The following ENTREP2 variants were observed in gnomAD, a reference collection of about 807,000 sequenced individuals.
The protein encoded by ENTREP2 is protein ENTREP2.
chr15:29,305,914 C>T, the ENTREP2 span, among the ~76,000 whole-genome samples: 1 of 152,184 alleles, frequency 6.6e-6, no homozygotes, highest in Non-Finnish European at 1.5e-5. Context: ...TGAAGCACTT[C>T]CCCTTTAGGA....
At chr15:29,155,134 T>A in the ENTREP2 span, among the ~76,000 whole-genome samples, 1 of 143,936 alleles carries the variant, frequency 6.9e-6, no homozygotes, top group South Asian at 2.2e-4. Flanking sequence ...TACAAAAAAT[T>A]AGTCGGGCGT....
At chr15:29,217,794 A>G in the ENTREP2 span, among the ~76,000 whole-genome samples, 2 of 152,092 alleles carry the variant, frequency 1.3e-5, no homozygotes, top group Admixed American at 1.3e-4. Flanking sequence ...ATTGTTGGTA[A>G]ACTAGTGTGA....
chr15:29,243,543 T>C, the ENTREP2 span, among the ~76,000 whole-genome samples: 5 of 152,150 alleles, frequency 3.3e-5, no homozygotes, highest in African/African-American at 1.2e-4. Flanking sequence ...ATTAACAATA[T>C]GTGAATTAAG....
chr15:29,308,938 C>T, the ENTREP2 span, among the ~76,000 whole-genome samples: 1 of 152,136 alleles, frequency 6.6e-6, no homozygotes, highest in South Asian at 2.1e-4. Context: ...ATTCTTACTC[C>T]TTCAGCCTCC....
At chr15:29,163,246 T>C in the ENTREP2 span, among the ~76,000 whole-genome samples, 1,394 of 151,990 alleles carry the variant, frequency 9.2e-3, 19 homozygotes, top group African/African-American at 0.031. Flanking sequence ...TATGACAAAA[T>C]AAGGCTCTTG....
chr15:29,638,736 C>T, the ENTREP2 span, among the ~76,000 whole-genome samples: 6 of 152,266 alleles, frequency 3.9e-5, no homozygotes, highest in South Asian at 2.1e-4. Flanking sequence ...ATTAGCCGGG[C>T]GTGGCTGTTG....
the ENTREP2 span, among the ~76,000 whole-genome samples, chr15:29,175,116 T>G: frequency 6.6e-6 from 1 of 152,178 alleles, no homozygotes; most frequent in African/African-American, 2.4e-5. Flanking sequence ...CTGGTGTATG[T>G]ATCACTGCAT....
the ENTREP2 span, among the ~76,000 whole-genome samples, chr15:29,373,438 T>C: frequency 5.3e-5 from 8 of 151,980 alleles, no homozygotes; most frequent in South Asian, 1.7e-3. Flanking sequence ...GGGTTTGGAG[T>C]AGATTGAGTT....
chr15:29,233,845 A>T, the ENTREP2 span: 1 of 1,582,856 alleles, frequency 6.3e-7, no homozygotes, highest in South Asian at 1.1e-5. Context: ...GAGTAGAATG[A>T]GGGCTTTCTG....
At chr15:29,437,448 C>T in the ENTREP2 span, among the ~76,000 whole-genome samples, 1 of 152,140 alleles carries the variant, frequency 6.6e-6, no homozygotes, top group South Asian at 2.1e-4. Flanking sequence ...ATTAATTGGC[C>T]TGTTTTAAAA....
chr15:29,616,342 C>T, the ENTREP2 span, among the ~76,000 whole-genome samples: 1 of 152,124 alleles, frequency 6.6e-6, no homozygotes, highest in African/African-American at 2.4e-5. Context: ...GACAAGTCCT[C>T]TGACACCACT....
At chr15:29,190,367 A>G in the ENTREP2 span, among the ~76,000 whole-genome samples, 1 of 152,164 alleles carries the variant, frequency 6.6e-6, no homozygotes, top group Admixed American at 6.5e-5. Context: ...GCTAAAAAAA[A>G]AAAACAGAGA....
At chr15:29,276,592 A>G in the ENTREP2 span, among the ~76,000 whole-genome samples, 1 of 152,180 alleles carries the variant, frequency 6.6e-6, no homozygotes, top group Non-Finnish European at 1.5e-5. Flanking sequence ...AAGCCTAGCC[A>G]CTTGTGCCCT....
At chr15:29,160,708 C>CAAAAAA in the ENTREP2 span, among the ~76,000 whole-genome samples, 1 of 36,264 alleles carries the variant, frequency 2.8e-5, no homozygotes, top group African/African-American at 9.7e-5. Context: ...GACTCTGTCT[C>CAAAAAA]AAAAAAAAAA....
At chr15:29,473,969 C>T in the ENTREP2 span, among the ~76,000 whole-genome samples, 1 of 152,230 alleles carries the variant, frequency 6.6e-6, no homozygotes, top group African/African-American at 2.4e-5. Flanking sequence ...AGCTGGGCCT[C>T]CTGGAAGACA....
the ENTREP2 span, among the ~76,000 whole-genome samples, chr15:29,289,117 G>A: frequency 2.0e-4 from 30 of 151,908 alleles, no homozygotes; most frequent in Admixed American, 1.2e-3. Flanking sequence ...TGAGGTGGGA[G>A]GATTGCTTGA....
At chr15:29,224,491 C>T in the ENTREP2 span, among the ~76,000 whole-genome samples, 1 of 152,174 alleles carries the variant, frequency 6.6e-6, no homozygotes, top group Non-Finnish European at 1.5e-5. Flanking sequence ...GCCGATTGGT[C>T]TGTTTTACAG....
the ENTREP2 span, among the ~76,000 whole-genome samples, chr15:29,184,661 G>A: frequency 6.6e-6 from 1 of 152,078 alleles, no homozygotes; most frequent in Non-Finnish European, 1.5e-5. Context: ...GATTTGAAAG[G>A]GCTGCATAAA....
the ENTREP2 span, among the ~76,000 whole-genome samples, chr15:29,306,808 C>T: frequency 5.3e-5 from 8 of 150,410 alleles, no homozygotes; most frequent in Non-Finnish European, 7.4e-5. Context: ...TGCAGTGGCG[C>T]GATCTCAGCT....
Sources: allele counts gnomAD v4.1 joint callset (sites outside exome capture counted in the v4.1 genomes callset), GRCh38; gene constraint gnomAD v4.1.1; transcripts MANE v1.5; gene names NCBI Gene and HGNC (gene_info 2026-07-23, HGNC 2026-07-21).